LRRTM4: variants seen among roughly 807,000 people sequenced by gnomAD.
The protein encoded by LRRTM4 is leucine rich repeat transmembrane neuronal 4.
LRRTM4 carries 25 observed loss-of-function variants against 47.6 expected under a neutral mutation model. That is an observed-to-expected ratio of 0.53 (90% CI 0.38 to 0.73). The LOEUF (loss-of-function observed/expected upper bound fraction) is 0.73, where lower values mean the gene tolerates loss of function less well. LRRTM4 is among the 30% of genes least tolerant of loss of function. The pLI is 0.00. For missense variants in LRRTM4, 638 were observed against 713.4 expected (o/e 0.89, Z 1.20); for synonymous variants, 311 against 269.5 (o/e 1.15, Z -1.51).
chr2:76,999,946 C>T (rs1357685574), intron 3 of LRRTM4, among the ~76,000 whole-genome samples: 1 of 152,088 alleles, frequency 6.6e-6, no homozygotes, highest in Non-Finnish European at 1.5e-5. Flanking sequence ...AGTGACAGCC[C>T]TATATACTAT....
At chr2:76,909,738 T>C (rs1027075956) in intron 3 of LRRTM4, among the ~76,000 whole-genome samples, 2 of 151,906 alleles carry the variant, frequency 1.3e-5, no homozygotes, top group African/African-American at 4.8e-5. Flanking sequence ...AAAAAACACA[T>C]GAAAAAATGC....
intron 3 of LRRTM4, among the ~76,000 whole-genome samples, chr2:77,122,381 A>G (rs924116853): frequency 6.6e-6 from 1 of 151,256 alleles, no homozygotes; most frequent in Admixed American, 6.6e-5. Flanking sequence ...TTACTTCAAG[A>G]AAACCTACAT....
In LRRTM4 at chr2:76,807,824, G is replaced by A. The variant is rs928009827; in HGVS notation, c.1552-58908C>T. Among the ~76,000 whole-genome samples, 28 of 151,636 alleles carry A rather than the reference G, an allele frequency of 1.8e-4. 2 individuals are homozygous for A. In the Middle Eastern group the frequency reaches 0.024, roughly 129 times the overall value. ...TCTCCAACTCCTGACCTCGTGATCC[G>A]CCTGCCCCAGCCTCCCAAAGTGCTG... On this transcript the variant is annotated intron_variant, in intron 3 of 3. Coordinates refer to ENST00000409884, the MANE Select transcript of LRRTM4 (RefSeq NM_001134745.3).
intron 3 of LRRTM4, among the ~76,000 whole-genome samples, chr2:77,265,029 A>G (rs993460241): frequency 6.6e-6 from 1 of 152,116 alleles, no homozygotes; most frequent in African/African-American, 2.4e-5. Context: ...GTCACAGTGA[A>G]TGGCTTTTGT....
intron 3 of LRRTM4, among the ~76,000 whole-genome samples, chr2:77,033,427 GT>G (rs777468664): frequency 6.3e-5 from 9 of 143,192 alleles, no homozygotes; most frequent in South Asian, 2.2e-4. Context: ...TAAATGCATA[GT>G]TTTTTTTACT....
At chr2:76,773,380 T>A (rs892962980) in intron 3 of LRRTM4, among the ~76,000 whole-genome samples, 8 of 152,228 alleles carry the variant, frequency 5.3e-5, no homozygotes, top group African/African-American at 1.9e-4. Flanking sequence ...TGCAGTAGTC[T>A]TAAATAAACT....
intron 3 of LRRTM4, among the ~76,000 whole-genome samples, chr2:76,979,921 G>C (rs912766506): frequency 2.6e-5 from 4 of 151,796 alleles, no homozygotes; most frequent in East Asian, 3.9e-4. Context: ...TAAACTCTCT[G>C]ATCCAAATTA....
At chr2:77,034,421 G>A (rs1267333882) in intron 3 of LRRTM4, among the ~76,000 whole-genome samples, 3 of 151,838 alleles carry the variant, frequency 2.0e-5, no homozygotes, top group African/African-American at 4.8e-5. Context: ...ATATCAATAT[G>A]CACATTCCTA....
At chr2:77,099,764 A>C (rs1670903140) in intron 3 of LRRTM4, among the ~76,000 whole-genome samples, 2 of 152,130 alleles carry the variant, frequency 1.3e-5, no homozygotes, top group Non-Finnish European at 2.9e-5. Context: ...GATAATGATT[A>C]CTAACTGGAA....
intron 3 of LRRTM4, among the ~76,000 whole-genome samples, chr2:77,512,120 C>T (rs1040590040): frequency 6.6e-6 from 1 of 152,046 alleles, no homozygotes; most frequent in East Asian, 1.9e-4. Flanking sequence ...ATTACCTGGC[C>T]TCCCTTGTAA....
intron 3 of LRRTM4, chr2:77,009,855 AAAG>A (rs1226140391): frequency 1.3e-5 from 2 of 152,062 alleles, no homozygotes; most frequent in East Asian, 3.9e-4. Flanking sequence ...CAAACCATCT[AAAG>A]AAGACCTCTT....
At chr2:76,786,246 T>C (rs934564705) in intron 3 of LRRTM4, among the ~76,000 whole-genome samples, 1 of 152,080 alleles carries the variant, frequency 6.6e-6, no homozygotes, top group African/African-American at 2.4e-5. Context: ...TAAGGCACAC[T>C]TACAGCAATA....
chr2:76,886,869 A>G (rs1286095514), intron 3 of LRRTM4, among the ~76,000 whole-genome samples: 1 of 152,022 alleles, frequency 6.6e-6, no homozygotes, highest in East Asian at 1.9e-4. Flanking sequence ...TTGAGAGGGT[A>G]TGTCTCTAAA....
intron 3 of LRRTM4, among the ~76,000 whole-genome samples, chr2:77,136,115 C>A (rs947083546): frequency 6.6e-6 from 1 of 152,106 alleles, no homozygotes; most frequent in Non-Finnish European, 1.5e-5. Context: ...TCCAACTGAG[C>A]TTTGAAGAGA....
intron 3 of LRRTM4, among the ~76,000 whole-genome samples, chr2:77,204,076 T>C (rs1224667920): frequency 1.3e-5 from 2 of 152,114 alleles, no homozygotes; most frequent in Admixed American, 6.6e-5. Flanking sequence ...CTATGCAGCA[T>C]AGGTCACCCT....
chr2:76,949,499 T>A (rs1675431566), intron 3 of LRRTM4, among the ~76,000 whole-genome samples: 1 of 151,880 alleles, frequency 6.6e-6, no homozygotes, highest in Non-Finnish European at 1.5e-5. Context: ...CACAGAACAC[T>A]TCATAGAAGA....
In LRRTM4 at chr2:77,113,943, G is replaced by A. The variant is rs115275239; in HGVS notation, c.1552-365027C>T. On this transcript the variant is annotated intron_variant, in intron 3 of 3. Transcript: ENST00000409884. ...CGGGGCCGCGGAAGCTGCAAGTAGC[G>A]GCTCTTCGGGAAATAAAATAAGATC... Among the ~76,000 whole-genome samples the A allele has an allele frequency of 9.0e-3, 1,365 of 152,120 alleles. 26 individuals carry two copies. The highest frequency in any genetic ancestry group is 0.031 in the African/African-American group (1,271 of 41,494).
chr2:77,433,565 G>C (rs1675471423), intron 3 of LRRTM4, among the ~76,000 whole-genome samples: 2 of 152,116 alleles, frequency 1.3e-5, no homozygotes, highest in Non-Finnish European at 2.9e-5. Flanking sequence ...GAGTGTGTAG[G>C]AAAGCAAGAT....
At chr2:76,966,595 C>A (rs1043880953) in intron 3 of LRRTM4, among the ~76,000 whole-genome samples, 1 of 151,498 alleles carries the variant, frequency 6.6e-6, no homozygotes, top group Non-Finnish European at 1.5e-5. Flanking sequence ...TAACTTAATT[C>A]TCTCCATCCT....
Sources: allele counts gnomAD v4.1 joint callset (sites outside exome capture counted in the v4.1 genomes callset), GRCh38; gene constraint gnomAD v4.1.1; transcripts MANE v1.5; gene names NCBI Gene and HGNC (gene_info 2026-07-23, HGNC 2026-07-21).